Variants in SCHIP1 observed in about 807,000 individuals in gnomAD.
SCHIP1 encodes the protein schwannomin interacting protein 1, also known as schwannomin-interacting protein 1.
Under a neutral mutation model 29.7 loss-of-function variants are expected in SCHIP1, and 8 were observed. The ratio of observed to expected loss-of-function variants is 0.27; its 90% CI spans 0.16 to 0.49. The LOEUF (loss-of-function observed/expected upper bound fraction) is 0.49, where lower values mean the gene tolerates loss of function less well. Ranked by LOEUF, SCHIP1 falls within the 20% of genes least tolerant of loss-of-function variation. The probability of loss-of-function intolerance (pLI) is 0.99; values close to 1 mark genes in which losing one functional copy is unlikely to be tolerated. For missense variants in SCHIP1, 193 were observed against 294.6 expected, an observed-to-expected ratio of 0.66 and a Z score of 2.52; for synonymous variants, 76 against 94.9, an observed-to-expected ratio of 0.80 and a Z score of 1.16.
At chr3:159,784,603 T>C in the SCHIP1 span, among the ~76,000 whole-genome samples, 1 of 152,256 alleles carries the variant, frequency 6.6e-6, no homozygotes, top group Admixed American at 6.5e-5. Context: ...TCTTTTCCCT[T>C]AACTTAAGCC....
At chr3:159,383,442 G>A in the SCHIP1 span, among the ~76,000 whole-genome samples, 2 of 151,666 alleles carry the variant, frequency 1.3e-5, no homozygotes, top group Admixed American at 6.6e-5. Context: ...ATTTCTGAGG[G>A]CTCTATTCTG....
chr3:159,705,983 G>A, the SCHIP1 span, among the ~76,000 whole-genome samples: 2 of 152,130 alleles, frequency 1.3e-5, no homozygotes, highest in Non-Finnish European at 2.9e-5. Flanking sequence ...GGGATTACAG[G>A]TGTGAGCCAC....
chr3:159,755,818 G>A, the SCHIP1 span, among the ~76,000 whole-genome samples: 3 of 152,284 alleles, frequency 2.0e-5, no homozygotes, highest in Non-Finnish European at 4.4e-5. Flanking sequence ...CAAAACAAAG[G>A]GTCTACAGGC....
intron 2 of SCHIP1, among the ~76,000 whole-genome samples, chr3:159,885,817 T>G (rs1332368326): frequency 6.6e-6 from 1 of 152,256 alleles, no homozygotes; most frequent in African/African-American, 2.4e-5. Context: ...AGTCTTTGAT[T>G]GTCCCCCTGG....
At chr3:159,459,252 T>C in the SCHIP1 span, among the ~76,000 whole-genome samples, 1 of 152,118 alleles carries the variant, frequency 6.6e-6, no homozygotes, top group Non-Finnish European at 1.5e-5. Context: ...GGCCCCATGG[T>C]GGTTTTATAA....
chr3:159,573,555 T>A, the SCHIP1 span, among the ~76,000 whole-genome samples: 1 of 152,202 alleles, frequency 6.6e-6, no homozygotes, highest in Non-Finnish European at 1.5e-5. Flanking sequence ...TTTCCTTCAT[T>A]TCATCCTTGA....
At chr3:159,520,363 G>A in the SCHIP1 span, among the ~76,000 whole-genome samples, 335 of 152,176 alleles carry the variant, frequency 2.2e-3, no homozygotes, top group African/African-American at 7.9e-3. Flanking sequence ...GACAAGAAAC[G>A]GCCTAGCGTA....
chr3:159,334,421 G>A, the SCHIP1 span, among the ~76,000 whole-genome samples: 1 of 152,076 alleles, frequency 6.6e-6, no homozygotes, highest in South Asian at 2.1e-4. Flanking sequence ...AAACAAACTG[G>A]TGATTTTTAA....
the SCHIP1 span, among the ~76,000 whole-genome samples, chr3:159,594,069 T>A: frequency 6.6e-6 from 1 of 152,182 alleles, no homozygotes; most frequent in Non-Finnish European, 1.5e-5. Context: ...GTTTCCCCTG[T>A]GTAGGGAAAG....
the SCHIP1 span, among the ~76,000 whole-genome samples, chr3:159,470,849 C>A: frequency 6.6e-6 from 1 of 152,128 alleles, no homozygotes; most frequent in East Asian, 1.9e-4. Flanking sequence ...GGATGAATTT[C>A]AATTCATATC....
At chr3:159,332,963 G>A in the SCHIP1 span, among the ~76,000 whole-genome samples, 1 of 152,310 alleles carries the variant, frequency 6.6e-6, no homozygotes, top group South Asian at 2.1e-4. Flanking sequence ...TGGACAGCCT[G>A]CATCAGTTTC....
At chr3:159,723,311 C>A in the SCHIP1 span, among the ~76,000 whole-genome samples, 1 of 152,130 alleles carries the variant, frequency 6.6e-6, no homozygotes, top group East Asian at 1.9e-4. Flanking sequence ...TTTATTACTA[C>A]AGTTTTGCTA....
At chr3:159,813,969 A>G in the SCHIP1 span, among the ~76,000 whole-genome samples, 26 of 152,274 alleles carry the variant, frequency 1.7e-4, no homozygotes, top group African/African-American at 6.3e-4. Flanking sequence ...AGTGGGAAAC[A>G]CGCCCTGAGC....
chr3:159,604,298 C>A, the SCHIP1 span, among the ~76,000 whole-genome samples: 1 of 152,294 alleles, frequency 6.6e-6, no homozygotes, highest in South Asian at 2.1e-4. Flanking sequence ...GAATTCCAGG[C>A]ACATTCTTTG....
the SCHIP1 span, chr3:159,273,339 A>G: frequency 1.0e-6 from 1 of 986,936 alleles, no homozygotes; most frequent in East Asian, 1.1e-4. Flanking sequence ...AGACCTGTTT[A>G]CATGGTGTGT....
the SCHIP1 span, among the ~76,000 whole-genome samples, chr3:159,546,740 A>G: frequency 6.6e-6 from 1 of 152,138 alleles, no homozygotes; most frequent in African/African-American, 2.4e-5. Flanking sequence ...TGTTCCTTCA[A>G]ACGACATGAA....
the SCHIP1 span, among the ~76,000 whole-genome samples, chr3:159,384,718 G>A: frequency 4.6e-5 from 7 of 151,486 alleles, no homozygotes; most frequent in South Asian, 2.1e-4. Context: ...GGTAGAATTC[G>A]GCTGTGAATC....
At chr3:159,608,632 T>C in the SCHIP1 span, among the ~76,000 whole-genome samples, 2 of 152,304 alleles carry the variant, frequency 1.3e-5, no homozygotes, top group South Asian at 4.1e-4. Flanking sequence ...TAAAATTCTT[T>C]TTAGAGCACT....
At chr3:159,812,982 A>G in the SCHIP1 span, among the ~76,000 whole-genome samples, 1 of 152,208 alleles carries the variant, frequency 6.6e-6, no homozygotes, top group Non-Finnish European at 1.5e-5. Context: ...AGAAAGGGAC[A>G]AAACATGAGA....
Sources: allele counts gnomAD v4.1 joint callset (sites outside exome capture counted in the v4.1 genomes callset), GRCh38; gene constraint gnomAD v4.1.1; transcripts MANE v1.5; gene names NCBI Gene and HGNC (gene_info 2026-07-23, HGNC 2026-07-21).